Variants in DAAM2 observed in about 807,000 individuals in gnomAD.
DAAM2 encodes the protein disheveled-associated activator of morphogenesis 2.
In DAAM2, 39 loss-of-function variants were observed where a neutral mutation model predicts 120.7. The ratio of observed to expected loss-of-function variants is 0.32; its 90% CI spans 0.25 to 0.42. The LOEUF is 0.42. Among genes scored for constraint, DAAM2 ranks in the 10% least tolerant of loss-of-function variants. The pLI is 1.00. For synonymous variants in DAAM2, 488 were observed against 524.9 expected (o/e 0.93, Z 0.96); for missense variants, 1,283 against 1,401.7 (o/e 0.92, Z 1.35).
At chr6:39,873,850 A>C (rs546815892) in intron 10 of DAAM2, among the ~76,000 whole-genome samples, 1 of 152,304 alleles carries the variant, frequency 6.6e-6, no homozygotes, top group East Asian at 1.9e-4. Context: ...CATCTATGGG[A>C]GCAGATGGCT....
intron 5 of DAAM2, 51 bp from the exon 6 acceptor site, chr6:39,867,459 G>A: frequency 5.8e-6 from 9 of 1,565,198 alleles, no homozygotes; most frequent in Non-Finnish European, 7.8e-6. Context: ...TTTGCAAAGT[G>A]TACACAGAAT....
At chr6:39,899,836 G>T in intron 22 of DAAM2, 1 of 376,346 alleles carries the variant, frequency 2.7e-6, no homozygotes, top group Non-Finnish European at 4.8e-6. Context: ...TTTCCTAGGT[G>T]ATGCTGCTGG....
At chr6:39,818,791 G>A (rs760520492) in intron 1 of DAAM2, 4 of 151,998 alleles carry the variant, frequency 2.6e-5, no homozygotes, top group African/African-American at 4.8e-5. Flanking sequence ...TGCTTGGATC[G>A]GAATCATCTG....
At chr6:39,870,300 G>C in intron 7 of DAAM2, 40 bp from the exon 8 acceptor site, 2 of 1,301,890 alleles carry the variant, frequency 1.5e-6, no homozygotes, top group Non-Finnish European at 2.2e-6. Flanking sequence ...TGGAAACTGA[G>C]ATCTGCCAAT....
At chr6:39,886,805 G>A (rs1283455508) in intron 15 of DAAM2, 1 of 221,486 alleles carries the variant, frequency 4.5e-6, no homozygotes, top group East Asian at 9.0e-5. Context: ...AGTTGTGCAA[G>A]AGGGACCTCC....
At chr6:39,873,474 T>C (rs1764746684) in intron 10 of DAAM2, 119 bp downstream of exon 10, 1 of 635,100 alleles carries the variant, frequency 1.6e-6, no homozygotes, top group Non-Finnish European at 2.9e-6. Context: ...CCCTGTGCAC[T>C]TGCTTTTGGG....
rs372925280 is a variant in DAAM2 at position 39,901,792 on chromosome 6, T to G, written c.2983-21T>G. 3,479 of 1,510,006 alleles carry G rather than the reference T, an allele frequency of 2.3e-3. 16 individuals are homozygous for G. The highest frequency in any genetic ancestry group is 2.7e-3 in the Non-Finnish European group (3,086 of 1,131,974). 93.5% of individuals were successfully genotyped at this position (1,510,006 alleles called of 1,614,324 possible). On this transcript the variant is annotated intron_variant, in intron 24 of 24. Coordinates refer to ENST00000274867, the MANE Select transcript of DAAM2 (RefSeq NM_001201427.2). The surrounding 1 kb of genome is among the most constrained non-coding windows in gnomAD (Gnocchi z 4.5). ...GCGCCTCTCCCTGAGAGGGTTCCTATCTTTGGCCCCCCGCCCGCAGCTGAA... is the reference window on the plus strand; with the variant it reads ...GCGCCTCTCCCTGAGAGGGTTCCTAGCTTTGGCCCCCCGCCCGCAGCTGAA...
At chr6:39,804,693 G>T (rs1030706240) in intron 1 of DAAM2, among the ~76,000 whole-genome samples, 1 of 152,212 alleles carries the variant, frequency 6.6e-6, no homozygotes, top group Non-Finnish European at 1.5e-5. Flanking sequence ...TAGCTGCACC[G>T]CCATAGATGA....
chr6:39,887,791 C>G, intron 16 of DAAM2, 199 bp downstream of exon 16: 1 of 531,464 alleles, frequency 1.9e-6, no homozygotes, highest in Non-Finnish European at 3.4e-6. Context: ...GTCACGAGGC[C>G]CTTGCCCAGC....
At chr6:39,840,790 G>A (rs371476136) in intron 1 of DAAM2, among the ~76,000 whole-genome samples, 11 of 152,132 alleles carry the variant, frequency 7.2e-5, no homozygotes, top group Non-Finnish European at 7.3e-5. Flanking sequence ...TACACTGTGC[G>A]ACACTGTCCC....
chr6:39,883,456 G>T (rs180842044), intron 14 of DAAM2: 41 of 152,766 alleles, frequency 2.7e-4, no homozygotes, highest in Non-Finnish European at 5.0e-4. Context: ...GTGGGAGGAA[G>T]ACCCTTGGGA....
At chr6:39,822,184 G>A (rs1188815728) in intron 1 of DAAM2, 4 of 152,354 alleles carry the variant, frequency 2.6e-5, no homozygotes, top group African/African-American at 9.6e-5. Flanking sequence ...ACCCTCTGCA[G>A]AGCAAATGCC....
chr6:39,847,797 C>A (rs73734922), intron 1 of DAAM2, among the ~76,000 whole-genome samples: 6,613 of 152,188 alleles, frequency 0.043, 427 homozygotes, highest in African/African-American at 0.14. Context: ...CTTCCCACCC[C>A]ATACAGTGCC....
chr6:39,852,743 TG>T (rs1167469890), intron 1 of DAAM2, among the ~76,000 whole-genome samples: 1 of 152,200 alleles, frequency 6.6e-6, no homozygotes, highest in Non-Finnish European at 1.5e-5. Context: ...AGAGTACTCA[TG>T]GGCACTAGCT....
Position 39,878,541 on chromosome 6 carries a change from G to A in DAAM2, c.1498G>A (p.Ala500Thr). ...CCGGGAGTCCCAGGAGCTGCGCCAGGCTCGGGGACAAGTGGCAGAGCTGGT... is the reference window on the plus strand; with the variant it reads ...CCGGGAGTCCCAGGAGCTGCGCCAGACTCGGGGACAAGTGGCAGAGCTGGT... ...LARESQELRQ[A>T]RGQVAELVAQ... Residue 500 changes from alanine (A) to threonine (T), a missense_variant, in exon 13 of 25, where the codon GCT becomes ACT. By Grantham distance (58) the Ala-to-Thr change is moderately conservative (BLOSUM62 0). Coordinates refer to ENST00000274867, the MANE Select transcript of DAAM2 (RefSeq NM_001201427.2). The surrounding 1 kb of genome is among the most constrained non-coding windows in gnomAD (Gnocchi z 5.0). 6.2e-7 allele frequency: 1 copy of A among 1,609,822 alleles called. No homozygotes were observed. Among genetic ancestry groups the A allele is most frequent in the Non-Finnish European group, 8.5e-7 (1 of 1,178,162 alleles).
chr6:39,866,849 C>A (rs1455860716), intron 5 of DAAM2, among the ~76,000 whole-genome samples: 1 of 152,208 alleles, frequency 6.6e-6, no homozygotes, highest in Admixed American at 6.5e-5. Flanking sequence ...TATGCTAATA[C>A]TACTGTCATT....
At chr6:39,891,254 G>T in intron 17 of DAAM2, 87 bp from the exon 18 acceptor site, 2 of 1,054,188 alleles carry the variant, frequency 1.9e-6, no homozygotes, top group South Asian at 1.4e-5. Flanking sequence ...TCCCCATCTT[G>T]ACCCAAGTCA....
chr6:39,817,360 A>G (rs866849877), intron 1 of DAAM2, among the ~76,000 whole-genome samples: 7 of 152,222 alleles, frequency 4.6e-5, no homozygotes, highest in Non-Finnish European at 4.4e-5. Flanking sequence ...AATTTCAGTG[A>G]CTGAAAACAA....
intron 21 of DAAM2, among the ~76,000 whole-genome samples, chr6:39,897,645 C>T (rs1428958769): frequency 6.6e-6 from 1 of 152,298 alleles, no homozygotes; most frequent in Non-Finnish European, 1.5e-5. Context: ...GGGAAGCAGG[C>T]TCTGAGTGGT....
Sources: gnomAD v4.1 joint callset for allele counts (sites outside exome capture counted in the v4.1 genomes callset) on GRCh38, gnomAD v4.1.1 for gene constraint, Gnocchi (gnomAD v3.1) non-coding constraint, MANE v1.5 for transcripts, NCBI Gene and HGNC (gene_info 2026-07-23, HGNC 2026-07-21) for gene names.